Variants in RARB observed in about 807,000 individuals in gnomAD.
RARB encodes the protein HBV-activated protein.
A neutral mutation model predicts 51.9 loss-of-function variants in RARB; 17 were observed. The ratio of observed to expected loss-of-function variants is 0.33; its 90% confidence interval spans 0.22 to 0.49. RARB has a LOEUF of 0.49. Among genes scored for constraint, RARB ranks in the 20% least tolerant of loss-of-function variants. The probability of loss-of-function intolerance (pLI) is 0.99; values close to 1 mark genes in which losing one functional copy is unlikely to be tolerated. For missense variants in RARB, 369 were observed against 550.8 expected (o/e 0.67, Z 3.30); for synonymous variants, 215 against 195.4 (o/e 1.10, Z -0.84).
chr3:25,325,568 GTT>G lies in RARB; in HGVS notation c.179-135616_179-135615del, dbSNP rs113613926. ...CCCCCAGGCACTTCATTTTGTGGGG[GTT>G]TTTTTTTTAATAACACCCCAACTCC... is the stretch of plus-strand genomic sequence containing the variant. On this transcript the variant is annotated intron_variant, in intron 5 of 11. Coordinates refer to the RARB transcript ENST00000383772. Among the ~76,000 whole-genome samples the G allele has an allele frequency of 7.4e-4, 104 of 140,510 alleles. 1 individual carries two copies. Among genetic ancestry groups the G allele is most frequent in the Admixed American group, 2.5e-3 (36 of 14,324 alleles). 92.2% of individuals were successfully genotyped at this position (140,510 alleles called of 152,430 possible). A position where few individuals can be genotyped will look rare whatever the true frequency, so the allele number is the denominator to read the frequency against.
intron 4 of RARB, among the ~76,000 whole-genome samples, chr3:25,164,237 A>C (rs1157475437): frequency 6.6e-6 from 1 of 152,214 alleles, no homozygotes; most frequent in Admixed American, 6.5e-5. Context: ...CTCACCCGAG[A>C]AACTGATGAG....
intron 2 of RARB, among the ~76,000 whole-genome samples, chr3:25,044,056 T>C (rs1488815652): frequency 6.6e-6 from 1 of 152,092 alleles, no homozygotes; most frequent in Admixed American, 6.6e-5. Context: ...TTCAGTCCAC[T>C]GATACTACCT....
At chr3:24,991,048 T>C (rs984190357) in intron 2 of RARB, among the ~76,000 whole-genome samples, 1 of 152,246 alleles carries the variant, frequency 6.6e-6, no homozygotes, top group Non-Finnish European at 1.5e-5. Context: ...TGTTACTGTT[T>C]TTATGTTGGT....
intron 1 of RARB, among the ~76,000 whole-genome samples, chr3:25,456,906 CAT>C (rs1694949954): frequency 6.6e-6 from 1 of 151,868 alleles, no homozygotes; most frequent in Admixed American, 6.6e-5. Flanking sequence ...CATTTAAAAA[CAT>C]AGCCCAGTCA....
At chr3:25,524,756 G>A (rs1376645201) in intron 3 of RARB, among the ~76,000 whole-genome samples, 2 of 150,272 alleles carry the variant, frequency 1.3e-5, no homozygotes, top group African/African-American at 4.9e-5. Context: ...ATGAGATACA[G>A]TCTCGCTTTG....
intron 2 of RARB, among the ~76,000 whole-genome samples, chr3:24,981,621 G>T (rs1390322862): frequency 1.3e-5 from 2 of 152,152 alleles, no homozygotes; most frequent in Non-Finnish European, 2.9e-5. Flanking sequence ...GTGGTCTGCT[G>T]GTTGTGAAGA....
chr3:25,298,782 T>TA (rs1429604901), intron 5 of RARB, among the ~76,000 whole-genome samples: 2 of 152,138 alleles, frequency 1.3e-5, no homozygotes, highest in Non-Finnish European at 1.5e-5. Flanking sequence ...TCTAATAACT[T>TA]ACGTTTACAA....
chr3:25,378,807 G>T (rs1054765116), intron 5 of RARB, among the ~76,000 whole-genome samples: 63 of 152,284 alleles, frequency 4.1e-4, no homozygotes, highest in African/African-American at 1.4e-3. Context: ...ATAAGAATGT[G>T]TGTCTTGGTT....
chr3:24,959,880 T>C (rs1424912884), intron 2 of RARB, among the ~76,000 whole-genome samples: 1 of 152,190 alleles, frequency 6.6e-6, no homozygotes, highest in Non-Finnish European at 1.5e-5. Context: ...CCCTAGAAAA[T>C]TGACATTATT....
intron 5 of RARB, among the ~76,000 whole-genome samples, chr3:25,238,343 T>C (rs1278716908): frequency 6.6e-6 from 1 of 152,210 alleles, no homozygotes; most frequent in Non-Finnish European, 1.5e-5. Flanking sequence ...TTTATTGTTT[T>C]GTATGGCCAA....
chr3:24,964,137 C>T (rs982705979), intron 2 of RARB, among the ~76,000 whole-genome samples: 1 of 152,000 alleles, frequency 6.6e-6, no homozygotes, highest in East Asian at 1.9e-4. Context: ...TTTCCACCCC[C>T]CCACCCCACA....
chr3:24,976,662 C>T (rs1452015185), intron 2 of RARB, among the ~76,000 whole-genome samples: 1 of 151,956 alleles, frequency 6.6e-6, no homozygotes, highest in Non-Finnish European at 1.5e-5. Flanking sequence ...GCATATTAGC[C>T]CTTTGTCAGA....
intron 5 of RARB, among the ~76,000 whole-genome samples, chr3:25,290,224 T>C (rs1435315448): frequency 1.3e-5 from 2 of 152,194 alleles, no homozygotes; most frequent in Non-Finnish European, 2.9e-5. Flanking sequence ...TTTGGAAATA[T>C]GGTCTTTAAA....
intron 5 of RARB, among the ~76,000 whole-genome samples, chr3:25,403,886 TAAAA>T (rs546197894): frequency 1.1e-5 from 1 of 88,368 alleles, no homozygotes; most frequent in South Asian, 5.2e-4. Flanking sequence ...TTTCTTTTTC[TAAAA>T]AAAAAAAAAA....
intron 2 of RARB, among the ~76,000 whole-genome samples, chr3:25,041,532 T>C (rs1464552485): frequency 6.7e-6 from 1 of 149,468 alleles, no homozygotes; most frequent in Non-Finnish European, 1.5e-5. Context: ...AGGGAGGACA[T>C]TTGGGAAAAA....
intron 2 of RARB, among the ~76,000 whole-genome samples, chr3:24,971,156 G>A (rs576985285): frequency 2.0e-5 from 3 of 152,018 alleles, no homozygotes; most frequent in African/African-American, 7.2e-5. Flanking sequence ...CTATTGAAGG[G>A]TTATAATGTG....
At chr3:24,840,742 T>TAAAAAAAAAAAAAAAAAAAA (rs55771334) in intron 1 of RARB, among the ~76,000 whole-genome samples, 2 of 70,360 alleles carry the variant, frequency 2.8e-5, no homozygotes, top group African/African-American at 5.5e-5. Context: ...TGAGTAAGAG[T>TAAAAAAAAAAAAAAAAAAAA]AAAAAAAAAA....
intron 2 of RARB, among the ~76,000 whole-genome samples, chr3:25,036,396 T>C (rs1603992): frequency 0.27 from 41,649 of 152,028 alleles, 5,747 homozygotes; most frequent in Middle Eastern, 0.29. Flanking sequence ...ACCGTAAAAA[T>C]GTATAGCATT....
chr3:25,096,386 G>A (rs1442415593), intron 3 of RARB, among the ~76,000 whole-genome samples: 2 of 152,168 alleles, frequency 1.3e-5, no homozygotes, highest in Non-Finnish European at 2.9e-5. Context: ...TGGAGAAATT[G>A]TGGAGAGAGG....
Sources: allele counts gnomAD v4.1 joint callset (sites outside exome capture counted in the v4.1 genomes callset), GRCh38; gene constraint gnomAD v4.1.1; transcripts MANE v1.5; gene names NCBI Gene and HGNC (gene_info 2026-07-23, HGNC 2026-07-21).